The following GPHN variants were observed in gnomAD, a reference collection of about 807,000 sequenced individuals.
The protein encoded by GPHN is gephyrin.
A neutral mutation model predicts 95.5 loss-of-function variants in GPHN; 17 were observed. That is an observed-to-expected ratio of 0.18 (90% confidence interval 0.12 to 0.27). The LOEUF is 0.27. Among genes scored for constraint, GPHN ranks in the 10% least tolerant of loss-of-function variants. GPHN has a pLI of 1.00. For missense variants in GPHN, 660 were observed against 978.1 expected (o/e 0.67, Z 4.34); for synonymous variants, 320 against 322.5 (o/e 0.99, Z 0.08).
At chr14:67,702,727 A>G in the GPHN span, among the ~76,000 whole-genome samples, 4 of 152,248 alleles carry the variant, frequency 2.6e-5, no homozygotes, top group Non-Finnish European at 5.9e-5. Context: ...GGTATCATGT[A>G]GATACAACAT....
At chr14:67,406,491 G>A in the GPHN span, among the ~76,000 whole-genome samples, 5 of 152,068 alleles carry the variant, frequency 3.3e-5, 1 homozygote, top group East Asian at 1.9e-4. Context: ...GAGACTCCCC[G>A]TGGTTCTATA....
At chr14:67,111,639 A>C (rs1236367150) in intron 14 of GPHN, among the ~76,000 whole-genome samples, 4 of 152,180 alleles carry the variant, frequency 2.6e-5, no homozygotes, top group African/African-American at 9.7e-5. Flanking sequence ...TTAAAAGCAT[A>C]AAAATTGGAG....
chr14:67,306,093 C>T, the GPHN span, among the ~76,000 whole-genome samples: 1 of 152,166 alleles, frequency 6.6e-6, no homozygotes, highest in Non-Finnish European at 1.5e-5. Context: ...CTTCAGCCTC[C>T]CTAGTAGCTG....
At chr14:67,183,656 C>G (rs771875246), downstream of GPHN, among the ~76,000 whole-genome samples, 1 of 151,556 alleles carries the variant, frequency 6.6e-6, no homozygotes, top group Non-Finnish European at 1.5e-5. Context: ...CTCCACCTCC[C>G]GGGTTCAAGC....
At chr14:67,439,580 TCTTTCTTTCTTTC>T in the GPHN span, among the ~76,000 whole-genome samples, 3 of 141,228 alleles carry the variant, frequency 2.1e-5, no homozygotes, top group East Asian at 6.2e-4. Flanking sequence ...TTTCTTTCTT[TCTTTCTTTCTTTC>T]TTCTTTCTTT....
chr14:66,976,471 A>G (rs1168348950), intron 9 of GPHN, among the ~76,000 whole-genome samples: 1 of 152,144 alleles, frequency 6.6e-6, no homozygotes, highest in African/African-American at 2.4e-5. Flanking sequence ...TTAATATCCC[A>G]TTTTGACTTT....
At chr14:66,881,503 A>G (rs1348846202) in intron 5 of GPHN, among the ~76,000 whole-genome samples, 2 of 151,882 alleles carry the variant, frequency 1.3e-5, no homozygotes, top group Non-Finnish European at 2.9e-5. Flanking sequence ...GGTAAACATA[A>G]TAATATGCTT....
chr14:66,636,616 T>C (rs1414898431), intron 1 of GPHN, among the ~76,000 whole-genome samples: 8 of 152,184 alleles, frequency 5.3e-5, no homozygotes, highest in African/African-American at 1.9e-4. Context: ...TTTTATGTTC[T>C]ATACATGACT....
intron 6 of GPHN, among the ~76,000 whole-genome samples, chr14:66,918,528 A>G (rs2066030661): frequency 6.6e-6 from 1 of 152,178 alleles, no homozygotes; most frequent in African/African-American, 2.4e-5. Context: ...AGATTATTTA[A>G]TAGACAGATG....
At chr14:67,267,819 T>C in the GPHN span, among the ~76,000 whole-genome samples, 2 of 152,222 alleles carry the variant, frequency 1.3e-5, no homozygotes, top group Non-Finnish European at 2.9e-5. Context: ...TTGCATTTTC[T>C]AGAAATTTTG....
chr14:66,842,551 C>T, intron 4 of GPHN: 1 of 648,156 alleles, frequency 1.5e-6, no homozygotes, highest in East Asian at 2.8e-5. Context: ...TGGTTTCATT[C>T]TGAGGAAGGG....
At chr14:67,227,356 C>T in the GPHN span, 3 of 151,062 alleles carry the variant, frequency 2.0e-5, no homozygotes, top group East Asian at 3.9e-4. Context: ...AGGAGAATTG[C>T]TTGAACCCGG....
the GPHN span, among the ~76,000 whole-genome samples, chr14:67,642,709 T>C: frequency 2.0e-5 from 3 of 151,958 alleles, no homozygotes; most frequent in Non-Finnish European, 4.4e-5. Flanking sequence ...GAAAGATCCA[T>C]TGATAGGCTG....
chr14:66,664,659 A>T (rs1423447878), intron 1 of GPHN, among the ~76,000 whole-genome samples: 1 of 152,124 alleles, frequency 6.6e-6, no homozygotes, highest in East Asian at 1.9e-4. Flanking sequence ...AGGTAGAGAC[A>T]AGAAAAGCCA....
At chr14:67,576,322 G>A in the GPHN span, 1 of 831,864 alleles carries the variant, frequency 1.2e-6, no homozygotes, top group Non-Finnish European at 2.0e-6. The surrounding 1 kb of genome is among the most constrained non-coding windows in gnomAD (Gnocchi z 4.0). Flanking sequence ...TCCCTTCAAG[G>A]AGTCCTCCTT....
Position 66,599,392 on chromosome 14 carries a change from A to ATTTT in GPHN, c.65-81702_65-81699dup, listed in dbSNP as rs765267813. Among the ~76,000 whole-genome samples, 98 of 76,506 alleles carry ATTTT rather than the reference A, an allele frequency of 1.3e-3. 1 individual carries two copies. Among genetic ancestry groups the ATTTT allele is most frequent in the African/African-American group, 1.7e-3 (23 of 13,932 alleles). The allele number at this position is 76,506 out of a possible 152,430, so 50.2% of individuals were successfully genotyped here. On this transcript the variant is annotated intron_variant, in intron 1 of 22. Transcript: ENST00000478722. ...TCTCTGATTTTACATTTTTTTTTGC[A>ATTTT]TTTTTTTTTTTTTTTTGCTAGATGC... is the stretch of plus-strand genomic sequence containing the variant.
At chr14:67,112,198 C>G (rs191365389) in intron 15 of GPHN, among the ~76,000 whole-genome samples, 2 of 152,216 alleles carry the variant, frequency 1.3e-5, no homozygotes, top group East Asian at 1.9e-4. Flanking sequence ...TCTAGATAAT[C>G]CAGAATTACC....
rs771029024 is a variant in GPHN, at chr14:67,058,837, T to C, written c.1144+51T>C. On this transcript the variant is annotated intron_variant, in intron 11 of 22. Transcript: ENST00000478722. ...TTTCTTTTCTTCATTTTTTTCCAAA[T>C]AAGATTCATGTAACATTAATGCACA... 2.7e-6 allele frequency: 4 copies of C among 1,502,510 alleles called. No individual in the cohort carries two copies. The Admixed American group carries it at 6.7e-5, about 25-fold the overall frequency. 93.1% of individuals were successfully genotyped at this position (1,502,510 alleles called of 1,614,324 possible).
the GPHN span, chr14:67,301,497 G>A: frequency 2.7e-6 from 4 of 1,492,362 alleles, no homozygotes; most frequent in Non-Finnish European, 3.7e-6. Context: ...TATATATGTG[G>A]TTTTTCCAGC....
Sources: gnomAD v4.1 joint callset for allele counts (sites outside exome capture counted in the v4.1 genomes callset) on GRCh38, gnomAD v4.1.1 for gene constraint, Gnocchi (gnomAD v3.1) non-coding constraint, MANE v1.5 for transcripts, NCBI Gene and HGNC (gene_info 2026-07-23, HGNC 2026-07-21) for gene names.